The following PPP1R21 variants were observed in gnomAD, a reference collection of about 807,000 sequenced individuals.
PPP1R21 encodes KLRAQ motif containing 1.
In PPP1R21, 85 loss-of-function variants were observed where a neutral mutation model predicts 112.8. The observed-to-expected ratio is 0.75, with a 90% confidence interval of 0.63 to 0.90. PPP1R21 has a LOEUF of 0.90. Among genes scored for constraint, PPP1R21 ranks in the 40% least tolerant of loss-of-function variants. The pLI, the probability that PPP1R21 is intolerant of heterozygous loss-of-function variation, is 0.00. For synonymous variants in PPP1R21, 381 were observed against 322.3 expected, an observed-to-expected ratio of 1.18 and a Z score of -1.95; for missense variants, 1,199 against 901.5, an observed-to-expected ratio of 1.33 and a Z score of -4.23.
chr2:48,461,373 C>A, intron 7 of PPP1R21, 141 bp downstream of exon 7: 1 of 1,265,298 alleles, frequency 7.9e-7, no homozygotes, highest in Non-Finnish European at 1.0e-6. Context: ...TTCATTTGAT[C>A]AGCCGTGGTA....
chr2:48,456,132 G>A (rs1667716388), intron 3 of PPP1R21, among the ~76,000 whole-genome samples: 1 of 151,570 alleles, frequency 6.6e-6, no homozygotes, highest in African/African-American at 2.4e-5. Context: ...TGGTGTTCTT[G>A]TCTTGAGATT....
intron 1 of PPP1R21, among the ~76,000 whole-genome samples, chr2:48,448,786 C>T (rs1398011078): frequency 1.3e-5 from 2 of 152,192 alleles, no homozygotes; most frequent in Non-Finnish European, 2.9e-5. Context: ...CTCTTTTGAA[C>T]TTCTAGAGCA....
chr2:48,498,815 G>C (rs1242567493), intron 17 of PPP1R21, 80 bp downstream of exon 17: 1 of 1,403,552 alleles, frequency 7.1e-7, no homozygotes, highest in Non-Finnish European at 9.9e-7. Flanking sequence ...ATTAACCATT[G>C]TCTTAGTTCA....
At chr2:48,487,685 C>T (rs1669371137) in intron 14 of PPP1R21, among the ~76,000 whole-genome samples, 1 of 150,182 alleles carries the variant, frequency 6.7e-6, no homozygotes, top group African/African-American at 2.5e-5. Context: ...TGCTTGAGCC[C>T]AGGAGGTTGA....
chr2:48,464,895 T>C, intron 7 of PPP1R21, 42 bp from the exon 8 acceptor site: 1 of 1,471,666 alleles, frequency 6.8e-7, no homozygotes, highest in Non-Finnish European at 9.3e-7. Context: ...TTCCAGTATA[T>C]GTGAAATGAG....
At position 48,454,755 on chromosome 2, in the gene PPP1R21, C is replaced by T. The variant is rs1667642619; in HGVS notation, c.273+14C>T. On this transcript the variant is annotated intron_variant, in intron 3 of 21. Transcript: ENST00000294952. ...AAGAAAAACAAGGTAGGTTCAAATA[C>T]AGGCAAGTTAGTGTGACCTTGTCGT... 3 of 1,607,916 alleles carry T rather than the reference C, an allele frequency of 1.9e-6. No homozygotes were observed. The highest frequency in any genetic ancestry group is 4.5e-5 in the East Asian group (2 of 44,854).
chr2:48,477,305 A>G (rs1236732984), intron 12 of PPP1R21, among the ~76,000 whole-genome samples: 1 of 151,726 alleles, frequency 6.6e-6, no homozygotes, highest in Non-Finnish European at 1.5e-5. Flanking sequence ...TTTTTAGTAG[A>G]GATGGGGGTC....
In PPP1R21 at chr2:48,473,696, A is replaced by C. The variant is rs569832507; in HGVS notation, c.1089-987A>C. ...GTAGAAGAGAAGTTGCAATGGAGAG[A>C]GAATGGAAATGATTATGATTCCTAT... On this transcript the variant is annotated intron_variant, in intron 11 of 21. Coordinates refer to ENST00000294952, the MANE Select transcript of PPP1R21 (RefSeq NM_001135629.3). Among the ~76,000 whole-genome samples, 7 of 152,284 alleles carry C rather than the reference A, an allele frequency of 4.6e-5. No homozygotes were observed. The South Asian group carries it at 1.5e-3, about 32-fold the overall frequency.
intron 1 of PPP1R21, chr2:48,441,334 A>T (rs1199963279): frequency 2.3e-6 from 1 of 435,586 alleles, no homozygotes; most frequent in Non-Finnish European, 4.3e-6. Context: ...AGGGAAGGGA[A>T]AGGTGTGGAC....
Position 48,496,197 on chromosome 2 carries a change from T to A in PPP1R21, c.1692+426T>A, listed in dbSNP as rs527481148. Reference sequence around the variant, plus strand: ...GAGTGGGTGGGAGTGGGAGGCACTGTCTTTTTCAGAAAAAAAGGAAAAAAA... The same window carrying A: ...GAGTGGGTGGGAGTGGGAGGCACTGACTTTTTCAGAAAAAAAGGAAAAAAA... On this transcript the variant is annotated intron_variant, in intron 16 of 21. Coordinates refer to ENST00000294952, the MANE Select transcript of PPP1R21 (RefSeq NM_001135629.3). 2.6e-5 allele frequency among the ~76,000 whole-genome samples: 4 copies of A among 152,130 alleles called. No individual in the cohort carries two copies. In the East Asian group the frequency reaches 7.7e-4, roughly 29 times the overall value.
chr2:48,465,747 G>A (rs1356034713), intron 9 of PPP1R21, 105 bp downstream of exon 9: 19 of 932,074 alleles, frequency 2.0e-5, no homozygotes, highest in Admixed American at 6.5e-5. Flanking sequence ...CAAAGGACAT[G>A]GAAAAAACCC....
chr2:48,495,570 A>G (rs1185187398), intron 15 of PPP1R21, 109 bp from the exon 16 acceptor site: 2 of 655,368 alleles, frequency 3.1e-6, no homozygotes, highest in Non-Finnish European at 5.5e-6. Context: ...GCTTTGACAT[A>G]CATCTGAATT....
At chr2:48,498,351 C>T (rs1669944072) in intron 16 of PPP1R21, 142 bp from the exon 17 acceptor site, 2 of 700,242 alleles carry the variant, frequency 2.9e-6, no homozygotes, top group East Asian at 2.8e-5. Context: ...TAATAAATCT[C>T]TTCCTATTCG....
intron 17 of PPP1R21, among the ~76,000 whole-genome samples, chr2:48,503,625 G>A (rs954221394): frequency 9.9e-5 from 15 of 152,088 alleles, no homozygotes; most frequent in African/African-American, 3.4e-4. Context: ...TATCATATGA[G>A]AAAATGTTAA....
At chr2:48,462,962 C>T (rs952436376) in intron 7 of PPP1R21, among the ~76,000 whole-genome samples, 3 of 152,014 alleles carry the variant, frequency 2.0e-5, no homozygotes, top group African/African-American at 7.2e-5. Flanking sequence ...GAGAAAGAGG[C>T]AGTCATGGGG....
intron 16 of PPP1R21, 120 bp downstream of exon 16, chr2:48,495,891 A>G (rs1669814043): frequency 1.6e-6 from 1 of 643,042 alleles, no homozygotes; most frequent in African/African-American, 1.8e-5. Flanking sequence ...TGTGAAATGA[A>G]TTGTTTAATA....
In PPP1R21 at chr2:48,515,082, A is replaced by G; in HGVS notation, c.*338A>G. The G allele has an allele frequency of 3.9e-6, 1 of 255,712 alleles. No individual in the cohort carries two copies. The highest frequency in any genetic ancestry group is 8.4e-5 in the East Asian group (1 of 11,882). 15.8% of individuals were successfully genotyped at this position (255,712 alleles called of 1,614,324 possible). ...ATTTTGTATACTTTCAAACTCAATT[A>G]TATGGTAATCGATTTGGTATCTATG... On this transcript the variant is annotated 3_prime_UTR_variant, in exon 22 of 22. Transcript: ENST00000294952.
In PPP1R21 at chr2:48,471,466, C is replaced by T. The variant is rs188804814; in HGVS notation, c.1088+99C>T. On this transcript the variant is annotated intron_variant, in intron 11 of 21. Transcript: ENST00000294952. ...TTAACATGTGCCTCTTGTGATCTGC[C>T]TGACTTTTCTGCTTCACAGTTAATT... The T allele has an allele frequency of 5.5e-5, 65 of 1,173,092 alleles. No individual in the cohort carries two copies. In the African/African-American group the frequency reaches 9.2e-4, roughly 17 times the overall value. The allele number at this position is 1,173,092 out of a possible 1,614,324, so 72.7% of individuals were successfully genotyped here.
chr2:48,499,152 C>T (rs1432293208), intron 17 of PPP1R21, among the ~76,000 whole-genome samples: 2 of 151,968 alleles, frequency 1.3e-5, no homozygotes, highest in African/African-American at 4.8e-5. Context: ...CACAAACACG[C>T]AGGCCACAGT....
Sources: allele counts gnomAD v4.1 joint callset (sites outside exome capture counted in the v4.1 genomes callset), GRCh38; gene constraint gnomAD v4.1.1; transcripts MANE v1.5; gene names NCBI Gene and HGNC (gene_info 2026-07-23, HGNC 2026-07-21).